The following ANKS1A variants were observed in gnomAD, a reference collection of about 807,000 sequenced individuals.
ANKS1A encodes ankyrin repeat and sterile alpha motif domain containing 1A.
ANKS1A carries 55 observed loss-of-function variants against 120.3 expected under a neutral mutation model. The ratio of observed to expected loss-of-function variants is 0.46; its 90% CI spans 0.37 to 0.57. The LOEUF (loss-of-function observed/expected upper bound fraction) is 0.57. Among genes scored for constraint, ANKS1A ranks in the 20% least tolerant of loss-of-function variants. The pLI is 0.00. For synonymous variants in ANKS1A, 590 were observed against 604.7 expected, an observed-to-expected ratio of 0.98 and a Z score of 0.36; for missense variants, 1,123 against 1,480.3, an observed-to-expected ratio of 0.76 and a Z score of 3.96.
chr6:34,918,202 T>G (rs1029712247), intron 1 of ANKS1A, among the ~76,000 whole-genome samples: 1 of 152,210 alleles, frequency 6.6e-6, no homozygotes, highest in Non-Finnish European at 1.5e-5. Context: ...AGATGTGGAT[T>G]GTTGATTCCA....
intron 10 of ANKS1A, among the ~76,000 whole-genome samples, chr6:35,016,225 T>C (rs1380713469): frequency 6.6e-6 from 1 of 152,204 alleles, no homozygotes; most frequent in Non-Finnish European, 1.5e-5. Flanking sequence ...TGAAGTCTTC[T>C]CCTGCACCAC....
intron 10 of ANKS1A, among the ~76,000 whole-genome samples, chr6:35,006,540 A>G (rs1400170406): frequency 6.6e-6 from 1 of 151,802 alleles, no homozygotes. Flanking sequence ...GGATCAGGAG[A>G]TCAGGAGATG....
At position 35,084,384 on chromosome 6, in the gene ANKS1A, C is replaced by A; in HGVS notation, c.3132+126C>A. On this transcript the variant is annotated intron_variant, in intron 21 of 23. Transcript: ENST00000360359. This position sits in a 1 kb window ranked among gnomAD's most constrained non-coding sequence, Gnocchi z 4.8. ...GCCAGTGCCTGGCAAATGTTTGGTT[C>A]ATGAATGGAGCCCAGCAGCACTCAG... The A allele has an allele frequency of 7.5e-7, 1 of 1,340,640 alleles. No individual in the cohort carries two copies. The highest frequency in any genetic ancestry group is 1.5e-5 in the South Asian group (1 of 67,126). The allele number at this position is 1,340,640 out of a possible 1,614,324, so 83.0% of individuals were successfully genotyped here. A position where few individuals can be genotyped will look rare whatever the true frequency, so the allele number is the denominator to read the frequency against.
intron 10 of ANKS1A, among the ~76,000 whole-genome samples, chr6:35,008,644 A>T (rs929115153): frequency 6.6e-6 from 1 of 152,188 alleles, no homozygotes; most frequent in African/African-American, 2.4e-5. Context: ...AGCCTTATGA[A>T]CTGTGCTTCT....
intron 1 of ANKS1A, among the ~76,000 whole-genome samples, chr6:34,901,121 C>T (rs553402752): frequency 3.7e-4 from 56 of 152,118 alleles, no homozygotes; most frequent in Admixed American, 1.6e-3. Context: ...CATAAACTGC[C>T]AGATGCACTA....
chr6:34,989,129 T>A, intron 8 of ANKS1A, 95 bp from the exon 9 acceptor site: 1 of 1,159,726 alleles, frequency 8.6e-7, no homozygotes, highest in Non-Finnish European at 1.2e-6. Context: ...CCATACATTA[T>A]TTTTTTCATT....
chr6:35,054,877 C>A (rs1176082719), intron 12 of ANKS1A, among the ~76,000 whole-genome samples: 1 of 152,206 alleles, frequency 6.6e-6, no homozygotes, highest in African/African-American at 2.4e-5. Context: ...TCACACCTCT[C>A]CCCCAAGCAT....
At chr6:35,047,000 G>A (rs764890586) in intron 11 of ANKS1A, among the ~76,000 whole-genome samples, 3 of 152,166 alleles carry the variant, frequency 2.0e-5, no homozygotes, top group Non-Finnish European at 4.4e-5. Context: ...AATCACTGCA[G>A]CATGTGCTCT....
At position 35,060,224 on chromosome 6, in the gene ANKS1A, CT is replaced by C; in HGVS notation, c.2156del (p.Leu719ArgfsTer14). 6.2e-7 allele frequency: 1 copy of C among 1,612,512 alleles called. No homozygotes were observed. The highest frequency in any genetic ancestry group is 8.5e-7 in the Non-Finnish European group (1 of 1,179,668). On this transcript the variant is annotated frameshift_variant, in exon 13 of 24. Coordinates refer to ENST00000360359, the MANE Select transcript of ANKS1A (RefSeq NM_015245.3). LOFTEE classifies it high-confidence loss of function. This position sits in a 1 kb window ranked among gnomAD's most constrained non-coding sequence, Gnocchi z 4.5. ...GCAGCAGTATGAGAGCAAGTTGCTT[CT>C]GAATGGCTTTGACGATGTCCACTTC... ...GLQQYESKLL[L>X]NGFDDVHFLG...
At chr6:34,966,676 C>T (rs751081252) in intron 1 of ANKS1A, among the ~76,000 whole-genome samples, 6 of 152,146 alleles carry the variant, frequency 3.9e-5, no homozygotes, top group Non-Finnish European at 7.4e-5. Flanking sequence ...TTTCAGCTTC[C>T]CTCCTATGGT....
At chr6:34,927,818 G>A (rs1039828714) in intron 1 of ANKS1A, among the ~76,000 whole-genome samples, 1 of 152,164 alleles carries the variant, frequency 6.6e-6, no homozygotes, top group African/African-American at 2.4e-5. Flanking sequence ...GGAGGAGAGT[G>A]GGCAGGAGGA....
In ANKS1A at chr6:35,057,415, T is replaced by G. The variant is rs1241307877; in HGVS notation, c.2078-2732T>G. Among the ~76,000 whole-genome samples, 4 of 152,166 alleles carry G rather than the reference T, an allele frequency of 2.6e-5. No homozygotes were observed. Among genetic ancestry groups the G allele is most frequent in the African/African-American group, 9.7e-5 (4 of 41,442 alleles). On this transcript the variant is annotated intron_variant, in intron 12 of 23. Transcript: ENST00000360359. This position sits in a 1 kb window ranked among gnomAD's most constrained non-coding sequence, Gnocchi z 4.1. ...CCAGCCATGTTAGGTATTGAGTAGC[T>G]GGTCAAGCAGGATCCTTCTGGGGCC...
chr6:34,898,253 G>A (rs560095069), intron 1 of ANKS1A, among the ~76,000 whole-genome samples: 1 of 152,226 alleles, frequency 6.6e-6, no homozygotes, highest in East Asian at 1.9e-4. Context: ...TTTAAACTAT[G>A]AAGAGTCCCA....
intron 10 of ANKS1A, among the ~76,000 whole-genome samples, chr6:35,015,866 T>G (rs926211681): frequency 1.3e-5 from 2 of 152,250 alleles, no homozygotes; most frequent in African/African-American, 4.8e-5. Context: ...CTGCTCATTT[T>G]GCACCCCTCC....
intron 3 of ANKS1A, among the ~76,000 whole-genome samples, chr6:34,976,700 T>C (rs1771606543): frequency 6.6e-6 from 1 of 152,070 alleles, no homozygotes; most frequent in Admixed American, 6.6e-5. Flanking sequence ...AATAATGCCA[T>C]GAACTATGGT....
At chr6:35,078,335 G>A (rs771322311) in intron 13 of ANKS1A, among the ~76,000 whole-genome samples, 13 of 152,106 alleles carry the variant, frequency 8.5e-5, no homozygotes, top group Non-Finnish European at 1.8e-4. Context: ...TGCCCTGGCC[G>A]GCCTCAGCAC....
chr6:34,939,913 A>C (rs1481349939), intron 1 of ANKS1A, among the ~76,000 whole-genome samples: 1 of 152,136 alleles, frequency 6.6e-6, no homozygotes, highest in East Asian at 1.9e-4. Context: ...CATCCTGTTC[A>C]TCTAAGAAAT....
In ANKS1A at chr6:35,016,562, G is replaced by A. The variant is rs1046976568; in HGVS notation, c.1424-911G>A. Among the ~76,000 whole-genome samples the A allele has an allele frequency of 2.0e-5, 3 of 152,136 alleles. No homozygotes were observed. In the East Asian group the frequency reaches 5.8e-4, roughly 29 times the overall value. On this transcript the variant is annotated intron_variant, in intron 10 of 23. Coordinates refer to ENST00000360359, the MANE Select transcript of ANKS1A (RefSeq NM_015245.3). ...ATTATTTATGCTACTTCAGGGCGAG[G>A]TATTTGAGTGTACAGTAGTAGCTGG... is the stretch of plus-strand genomic sequence containing the variant.
intron 1 of ANKS1A, among the ~76,000 whole-genome samples, chr6:34,939,501 A>G (rs1263016122): frequency 6.6e-6 from 1 of 152,216 alleles, no homozygotes; most frequent in Non-Finnish European, 1.5e-5. Flanking sequence ...AATATACACT[A>G]TGGTGAAGTA....
Sources: allele counts gnomAD v4.1 joint callset (sites outside exome capture counted in the v4.1 genomes callset), GRCh38; gene constraint gnomAD v4.1.1; non-coding constraint Gnocchi (gnomAD v3.1); transcripts MANE v1.5; gene names NCBI Gene and HGNC (gene_info 2026-07-23, HGNC 2026-07-21).